Variants in SLC25A13 observed in about 807,000 individuals in gnomAD.
The protein encoded by SLC25A13 is solute carrier family 25 member 13, also known as electrogenic aspartate/glutamate antiporter SLC25A13, mitochondrial.
In SLC25A13, 70 loss-of-function variants were observed where a neutral mutation model predicts 85.5. The observed-to-expected ratio is 0.82, with a 90% CI of 0.68 to 1.00. The LOEUF (loss-of-function observed/expected upper bound fraction) is 1.00. Among genes scored for constraint, SLC25A13 ranks in the 50% least tolerant of loss-of-function variants. The pLI is 0.00. For synonymous variants in SLC25A13, 259 were observed against 288.7 expected (o/e 0.90, Z 1.04); for missense variants, 765 against 819.8 (o/e 0.93, Z 0.82).
At chr7:96,298,704 A>G (rs1335108443) in intron 1 of SLC25A13, among the ~76,000 whole-genome samples, 2 of 152,218 alleles carry the variant, frequency 1.3e-5, no homozygotes, top group Non-Finnish European at 2.9e-5. Context: ...AAACGCTGGG[A>G]TTACAGGCAT....
At position 96,296,926 on chromosome 7, in the gene SLC25A13, G is replaced by A. The variant is rs768418425; in HGVS notation, c.41C>T (p.Pro14Leu). The A allele has an allele frequency of 6.2e-7, 1 of 1,613,522 alleles. No homozygotes were observed. The highest frequency in any genetic ancestry group is 1.7e-5 in the Admixed American group (1 of 60,002). ...AKVALTKRADPAELRTIFLKY... is the reference protein window; with the variant it reads ...AKVALTKRADLAELRTIFLKY... The stretch of plus-strand genomic sequence containing the variant: ...CAAAAATATTGTTCTAAGCTCAGCT[G>A]GATCTGCTCTCTTGGTTAAAGCCAC... Residue 14 changes from proline to leucine, a missense_variant, in exon 2 of 18, where the codon CCA (proline) becomes CTA (leucine). Pro to Leu is a moderately conservative substitution (Grantham distance 98). Coordinates refer to ENST00000265631, the MANE Select transcript of SLC25A13 (RefSeq NM_014251.3).
chr7:96,202,354 T>C (rs776172320), intron 5 of SLC25A13, among the ~76,000 whole-genome samples: 36 of 152,300 alleles, frequency 2.4e-4, no homozygotes, highest in Non-Finnish European at 4.7e-4. Flanking sequence ...AGTAAAACTA[T>C]GATAAAATAC....
At position 96,120,488 on chromosome 7, in the gene SLC25A13, A is replaced by G; in HGVS notation, c.*703T>C. 2.2e-6 allele frequency: 1 copy of G among 454,532 alleles called. No homozygotes were observed. The highest frequency in any genetic ancestry group is 4.4e-6 in the Non-Finnish European group (1 of 226,790). The allele number at this position is 454,532 out of a possible 1,614,324, so 28.2% of individuals were successfully genotyped here. A position where few individuals can be genotyped will look rare whatever the true frequency, so the allele number is the denominator to read the frequency against. ...ATCATATGAGCAGTTTTTCAAAATT[A>G]GCACTTCCAGGAGAGGGGCTACATC... is the stretch of plus-strand genomic sequence containing the variant. On this transcript the variant is annotated 3_prime_UTR_variant, in exon 18 of 18. Coordinates refer to ENST00000265631, the MANE Select transcript of SLC25A13 (RefSeq NM_014251.3).
chr7:96,128,761 A>C (rs201166653), intron 15 of SLC25A13, among the ~76,000 whole-genome samples: 1 of 115,890 alleles, frequency 8.6e-6, no homozygotes, highest in Non-Finnish European at 1.9e-5. Context: ...GTATAATAAT[A>C]ATAATAATAA....
intron 6 of SLC25A13, among the ~76,000 whole-genome samples, chr7:96,191,688 A>G (rs1330882980): frequency 6.6e-6 from 1 of 152,238 alleles, no homozygotes; most frequent in Non-Finnish European, 1.5e-5. Context: ...TATGAAAAGT[A>G]GTCAATGTAA....
chr7:96,168,098 G>GGAAAAAAAAAAAAAA (rs1793836839), intron 13 of SLC25A13, among the ~76,000 whole-genome samples: 5 of 19,692 alleles, frequency 2.5e-4, no homozygotes, highest in Non-Finnish European at 6.3e-4. Flanking sequence ...AACTCTGTCT[G>GGAAAAAAAAAAAAAA]AAAAAAAAAA....
chr7:96,148,771 A>G (rs1792906044), intron 13 of SLC25A13, among the ~76,000 whole-genome samples: 1 of 152,172 alleles, frequency 6.6e-6, no homozygotes, highest in African/African-American at 2.4e-5. Flanking sequence ...GAAGAGGCAT[A>G]CAATGCATAT....
intron 2 of SLC25A13, among the ~76,000 whole-genome samples, chr7:96,289,714 G>A (rs1799039771): frequency 6.6e-6 from 1 of 152,136 alleles, no homozygotes; most frequent in South Asian, 2.1e-4. Flanking sequence ...AGAGAAAAAA[G>A]AGTAAAAAAG....
chr7:96,287,954 T>C (rs1798953194), intron 2 of SLC25A13, among the ~76,000 whole-genome samples: 1 of 152,234 alleles, frequency 6.6e-6, no homozygotes. Flanking sequence ...ACTGGAGTTT[T>C]ACAATATCAA....
At chr7:96,165,962 A>G (rs1240181416) in intron 13 of SLC25A13, among the ~76,000 whole-genome samples, 12 of 152,256 alleles carry the variant, frequency 7.9e-5, no homozygotes, top group Non-Finnish European at 1.5e-5. Context: ...ACGTGGCTGG[A>G]CAAACTGGCA....
intron 1 of SLC25A13, among the ~76,000 whole-genome samples, chr7:96,312,825 T>C (rs564179948): frequency 9.2e-5 from 14 of 152,196 alleles, no homozygotes; most frequent in African/African-American, 3.4e-4. Flanking sequence ...GCTACAGCAA[T>C]GGTACAGCTA....
chr7:96,187,343 A>G (rs541279881), intron 9 of SLC25A13, among the ~76,000 whole-genome samples: 61 of 152,342 alleles, frequency 4.0e-4, no homozygotes, highest in African/African-American at 1.3e-3. Context: ...ATTCTAATAC[A>G]ATGAGATCAT....
chr7:96,229,263 G>A (rs1014222805), intron 4 of SLC25A13, among the ~76,000 whole-genome samples: 1 of 152,166 alleles, frequency 6.6e-6, no homozygotes, highest in Admixed American at 6.5e-5. Context: ...AATCTGATGG[G>A]CACTTGGAGA....
intron 4 of SLC25A13, among the ~76,000 whole-genome samples, chr7:96,211,172 T>A (rs549994880): frequency 6.6e-5 from 10 of 152,314 alleles, no homozygotes; most frequent in Non-Finnish European, 1.2e-4. Context: ...ATCTTATTTA[T>A]CTATAATTAA....
chr7:96,217,502 A>C (rs1235729431), intron 4 of SLC25A13, among the ~76,000 whole-genome samples: 2 of 152,086 alleles, frequency 1.3e-5, no homozygotes, highest in African/African-American at 4.8e-5. Flanking sequence ...TTAACTGATT[A>C]ATAAACAAAA....
rs116380669 is a variant in SLC25A13 at position 96,184,122 on chromosome 7, G to A, written c.1177+155C>T. 0.014 allele frequency among the ~76,000 whole-genome samples: 2,187 copies of A among 152,258 alleles called. 47 individuals carry two copies. The highest frequency in any genetic ancestry group is 0.05 in the African/African-American group (2,062 of 41,528). On this transcript the variant is annotated intron_variant, in intron 11 of 17. Transcript: ENST00000265631. ...GGCTGTTTTGATTAGCCAAGCCCTA[G>A]ATGCCTCCAGCCTACTCCCATTAGC...
At chr7:96,255,862 C>A (rs1223259840) in intron 3 of SLC25A13, among the ~76,000 whole-genome samples, 2 of 152,170 alleles carry the variant, frequency 1.3e-5, no homozygotes, top group East Asian at 3.8e-4. Context: ...GCCCATCAGA[C>A]TAACAGTGAA....
At chr7:96,176,673 G>A (rs866557219) in intron 11 of SLC25A13, among the ~76,000 whole-genome samples, 3 of 152,172 alleles carry the variant, frequency 2.0e-5, no homozygotes, top group Admixed American at 6.5e-5. Flanking sequence ...AGCTTCACAG[G>A]ACATCCCCAA....
At chr7:96,195,935 T>C (rs985641379) in intron 5 of SLC25A13, among the ~76,000 whole-genome samples, 9 of 152,212 alleles carry the variant, frequency 5.9e-5, no homozygotes, top group African/African-American at 2.2e-4. Context: ...GTTATTCACA[T>C]TCCTGCCTTT....
Sources: gnomAD v4.1 joint callset for allele counts (sites outside exome capture counted in the v4.1 genomes callset) on GRCh38, gnomAD v4.1.1 for gene constraint, MANE v1.5 for transcripts, NCBI Gene and HGNC (gene_info 2026-07-23, HGNC 2026-07-21) for gene names.